The following CHCHD3 variants were observed in gnomAD, a reference collection of about 807,000 sequenced individuals.
CHCHD3 encodes MICOS complex subunit MIC19.
In CHCHD3, 20 loss-of-function variants were observed where a neutral mutation model predicts 38.2. That is an observed-to-expected ratio of 0.52 (90% CI 0.37 to 0.76). The LOEUF (loss-of-function observed/expected upper bound fraction) is 0.76. Ranked by LOEUF, CHCHD3 falls within the 30% of genes least tolerant of loss-of-function variation. The pLI is 0.00. For missense variants in CHCHD3, 245 were observed against 279.2 expected (o/e 0.88, Z 0.87); for synonymous variants, 82 against 100.0 (o/e 0.82, Z 1.07).
intron 3 of CHCHD3, among the ~76,000 whole-genome samples, chr7:132,979,887 GC>G: frequency 6.6e-6 from 1 of 152,200 alleles, no homozygotes; most frequent in South Asian, 2.1e-4. Flanking sequence ...ATATTGCATG[GC>G]AATTATTTTC....
At chr7:132,911,149 C>G (rs1476051859) in intron 4 of CHCHD3, among the ~76,000 whole-genome samples, 1 of 152,112 alleles carries the variant, frequency 6.6e-6, no homozygotes, top group East Asian at 1.9e-4. Context: ...AGTAGACTCA[C>G]AAGGCATGCC....
chr7:132,897,896 G>C (rs1034063486), intron 4 of CHCHD3, among the ~76,000 whole-genome samples: 8 of 152,190 alleles, frequency 5.3e-5, no homozygotes, highest in Non-Finnish European at 1.0e-4. Context: ...GAGTGTTACA[G>C]TTCTTAAAGG....
At chr7:132,978,639 C>T (rs1017474152) in intron 3 of CHCHD3, among the ~76,000 whole-genome samples, 3 of 152,092 alleles carry the variant, frequency 2.0e-5, no homozygotes, top group Admixed American at 6.5e-5. Context: ...AAACAACTAA[C>T]GAGACAAACT....
At chr7:133,057,396 TA>T in intron 2 of CHCHD3, among the ~76,000 whole-genome samples, 1 of 152,016 alleles carries the variant, frequency 6.6e-6, no homozygotes, top group East Asian at 1.9e-4. Context: ...ATCCTGTCTC[TA>T]CAAAAAAAAT....
chr7:133,062,144 C>T (rs1015012857), intron 2 of CHCHD3, among the ~76,000 whole-genome samples: 2 of 151,568 alleles, frequency 1.3e-5, no homozygotes, highest in East Asian at 1.9e-4. Flanking sequence ...ACAACAATAA[C>T]CTACTATTTG....
At chr7:132,886,744 A>C (rs1026678256) in intron 4 of CHCHD3, among the ~76,000 whole-genome samples, 2 of 151,636 alleles carry the variant, frequency 1.3e-5, no homozygotes, top group Admixed American at 1.3e-4. Flanking sequence ...CAAAGTATAT[A>C]TATTACTTTT....
intron 5 of CHCHD3, among the ~76,000 whole-genome samples, chr7:132,880,022 T>C (rs1334834401): frequency 1.3e-5 from 2 of 152,176 alleles, no homozygotes; most frequent in Non-Finnish European, 2.9e-5. Flanking sequence ...TATGCATTTT[T>C]GAATGCTTAA....
Position 132,856,909 on chromosome 7 carries a change from G to C in CHCHD3, c.454-18440C>G, listed in dbSNP as rs76172906. Among the ~76,000 whole-genome samples the C allele has an allele frequency of 7.9e-4, 120 of 152,284 alleles. 1 individual carries two copies. Among genetic ancestry groups the C allele is most frequent in the East Asian group, 6.9e-3 (36 of 5,186 alleles). On this transcript the variant is annotated intron_variant, in intron 5 of 7. Coordinates refer to ENST00000262570, the MANE Select transcript of CHCHD3 (RefSeq NM_017812.4). ...GTTCACTCATTTATCTATTGGATAAGAGACTGAAGTTTTCTACAGGGCAAA... is the reference window on the plus strand; with the variant it reads ...GTTCACTCATTTATCTATTGGATAACAGACTGAAGTTTTCTACAGGGCAAA...
chr7:132,902,837 TA>T (rs568935938), intron 4 of CHCHD3, among the ~76,000 whole-genome samples: 1 of 151,856 alleles, frequency 6.6e-6, no homozygotes, highest in Admixed American at 6.6e-5. Flanking sequence ...TAAAAAATAA[TA>T]AAAAAAGACT....
chr7:133,027,521 A>G (rs958566105), intron 2 of CHCHD3, among the ~76,000 whole-genome samples: 2 of 152,048 alleles, frequency 1.3e-5, no homozygotes, highest in Non-Finnish European at 2.9e-5. Flanking sequence ...AGGAAAAACT[A>G]TTTAATGTCT....
chr7:132,889,014 T>C (rs1379179129), intron 4 of CHCHD3, among the ~76,000 whole-genome samples: 4 of 152,102 alleles, frequency 2.6e-5, no homozygotes, highest in South Asian at 2.1e-4. Context: ...TTTCCTATAA[T>C]GAACAGTTAG....
intron 3 of CHCHD3, among the ~76,000 whole-genome samples, chr7:132,991,746 G>GA (rs1554398477): frequency 6.7e-6 from 1 of 149,684 alleles, no homozygotes; most frequent in African/African-American, 2.5e-5. Context: ...AAAACTCTTA[G>GA]TTTTTTTTTT....
intron 4 of CHCHD3, chr7:132,886,844 T>C: frequency 2.1e-6 from 1 of 481,366 alleles, no homozygotes. Context: ...CTTGTGCTAT[T>C]TCACCAAAAT....
At chr7:132,849,117 A>C (rs1236722085) in intron 5 of CHCHD3, 2 of 152,202 alleles carry the variant, frequency 1.3e-5, no homozygotes, top group African/African-American at 4.8e-5. Flanking sequence ...CAGTGGGACT[A>C]TGTAAGTTCA....
At chr7:132,916,586 T>C (rs552881195) in intron 4 of CHCHD3, among the ~76,000 whole-genome samples, 3 of 152,226 alleles carry the variant, frequency 2.0e-5, no homozygotes, top group East Asian at 1.9e-4. Context: ...TCTCTTACTA[T>C]GCCTTTTTTA....
At chr7:132,938,813 G>C (rs1183464565) in intron 4 of CHCHD3, among the ~76,000 whole-genome samples, 1 of 152,156 alleles carries the variant, frequency 6.6e-6, no homozygotes, top group Non-Finnish European at 1.5e-5. Context: ...ATGAGGAGAA[G>C]AGTGCTCCAA....
intron 4 of CHCHD3, among the ~76,000 whole-genome samples, chr7:132,898,228 C>T (rs1809557835): frequency 6.6e-6 from 1 of 152,154 alleles, no homozygotes; most frequent in South Asian, 2.1e-4. Context: ...GGGACCCGAG[C>T]GGGTTGCCAC....
intron 3 of CHCHD3, among the ~76,000 whole-genome samples, chr7:132,984,560 C>T (rs1215681032): frequency 1.4e-5 from 2 of 146,978 alleles, no homozygotes; most frequent in African/African-American, 2.5e-5. Flanking sequence ...TGCCTGGCTG[C>T]CCAGTCTGGA....
At chr7:133,056,138 C>T (rs1167299523) in intron 2 of CHCHD3, among the ~76,000 whole-genome samples, 1 of 151,046 alleles carries the variant, frequency 6.6e-6, no homozygotes, top group Non-Finnish European at 1.5e-5. Context: ...CAGAGCAAGA[C>T]TATGCCTCAA....
Sources: allele counts gnomAD v4.1 joint callset (sites outside exome capture counted in the v4.1 genomes callset), GRCh38; gene constraint gnomAD v4.1.1; transcripts MANE v1.5; gene names NCBI Gene and HGNC (gene_info 2026-07-23, HGNC 2026-07-21).